Variants in ACAD10 observed in about 807,000 individuals in gnomAD.
ACAD10 encodes the protein acyl-CoA dehydrogenase family member 10.
ACAD10 carries 112 observed loss-of-function variants against 116.8 expected under a neutral mutation model. The observed-to-expected ratio is 0.96, with a 90% CI of 0.82 to 1.12. The LOEUF (loss-of-function observed/expected upper bound fraction) is 1.12, where lower values mean the gene tolerates loss of function less well. ACAD10 is among the 50% of genes most tolerant of loss of function. The pLI is 0.00. For synonymous variants in ACAD10, 486 were observed against 510.6 expected, an observed-to-expected ratio of 0.95 and a Z score of 0.65; for missense variants, 1,259 against 1,350.2, an observed-to-expected ratio of 0.93 and a Z score of 1.06.
chr12:111,728,830 C>T (rs762524910), intron 9 of ACAD10, among the ~76,000 whole-genome samples: 19 of 152,094 alleles, frequency 1.2e-4, no homozygotes, highest in Non-Finnish European at 1.8e-4. Flanking sequence ...GCTGGGACTA[C>T]AGGTACGCAC....
chr12:111,695,199 A>G (rs886102415), intron 2 of ACAD10, among the ~76,000 whole-genome samples: 2 of 152,134 alleles, frequency 1.3e-5, no homozygotes, highest in Non-Finnish European at 2.9e-5. Context: ...GATGCTCCCC[A>G]GGCATGCCAG....
At chr12:111,730,670 T>G (rs1178399673) in intron 10 of ACAD10, among the ~76,000 whole-genome samples, 2 of 152,214 alleles carry the variant, frequency 1.3e-5, no homozygotes, top group Non-Finnish European at 2.9e-5. Flanking sequence ...CTTATTTGGC[T>G]TGTCTTCTTG....
In ACAD10 at chr12:111,748,952, G is replaced by A. The variant is rs568318846; in HGVS notation, c.2645-221G>A. On this transcript the variant is annotated intron_variant, in intron 17 of 20. Transcript: ENST00000313698. ...TGGCATTATTATGTTTTTATAAAAG[G>A]AATCACAGAATAGTCATTTGCCATT... 33 of 1,493,562 alleles carry A rather than the reference G, an allele frequency of 2.2e-5. No homozygotes were observed. The East Asian group carries it at 6.8e-4, about 31-fold the overall frequency. The allele number at this position is 1,493,562 out of a possible 1,614,324, so 92.5% of individuals were successfully genotyped here.
chr12:111,756,324 G>T lies in ACAD10; in HGVS notation c.3040-9G>T, dbSNP rs2068083600. 1.3e-6 allele frequency: 2 copies of T among 1,590,166 alleles called. No individual in the cohort carries two copies. Among genetic ancestry groups the T allele is most frequent in the Non-Finnish European group, 8.5e-7 (1 of 1,171,190 alleles). ...CCAGGGCCGCCTCCCTCCACTCTGTGTCTGCCAGGCCTTTGGAGCAGCAGG... is the reference window on the plus strand; with the variant it reads ...CCAGGGCCGCCTCCCTCCACTCTGTTTCTGCCAGGCCTTTGGAGCAGCAGG... On this transcript the variant is annotated splice_polypyrimidine_tract_variant and intron_variant, in intron 20 of 20. Coordinates refer to ENST00000313698, the MANE Select transcript of ACAD10 (RefSeq NM_025247.6).
At chr12:111,696,996 G>A (rs1483760000) in intron 2 of ACAD10, among the ~76,000 whole-genome samples, 14 of 151,982 alleles carry the variant, frequency 9.2e-5, no homozygotes, top group Non-Finnish European at 4.4e-5. Context: ...CAGGAGAATG[G>A]CGTGCACCCA....
At chr12:111,720,719 G>T (rs1593032971) in intron 7 of ACAD10, among the ~76,000 whole-genome samples, 1 of 151,232 alleles carries the variant, frequency 6.6e-6, no homozygotes, top group East Asian at 1.9e-4. Context: ...ATATAATTAG[G>T]TCATGTTTTT....
chr12:111,736,939 A>G lies in ACAD10; in HGVS notation c.1649A>G (p.Tyr550Cys), dbSNP rs370345730. The change falls in exon 12 of 21, where the codon TAT becomes TGT. Residue 550 changes from tyrosine (Y) to cysteine (C), a missense_variant. By Grantham distance (194) the Tyr-to-Cys change is radical (BLOSUM62 -2). Coordinates refer to ENST00000313698, the MANE Select transcript of ACAD10 (RefSeq NM_025247.6). ...GLPPTENWNF[Y>C]MAFSFFRVAA... Reference sequence around the variant, plus strand: ...CCTCCCACTGAGAACTGGAACTTCTATATGGCTTTTTCCTTTTTCCGTGTG... The same window carrying G: ...CCTCCCACTGAGAACTGGAACTTCTGTATGGCTTTTTCCTTTTTCCGTGTG... 3.1e-6 allele frequency: 5 copies of G among 1,613,976 alleles called. No homozygotes were observed. The highest frequency in any genetic ancestry group is 1.1e-5 in the South Asian group (1 of 91,086).
Position 111,748,676 on chromosome 12 carries a change from T to C in ACAD10, c.2644+201T>C. 6 of 660,012 alleles carry C rather than the reference T, an allele frequency of 9.1e-6. 1 individual carries two copies. In the South Asian group the frequency reaches 1.2e-4, roughly 13 times the overall value. 40.9% of individuals were successfully genotyped at this position (660,012 alleles called of 1,614,324 possible). A position where few individuals can be genotyped will look rare whatever the true frequency, so the allele number is the denominator to read the frequency against. On this transcript the variant is annotated intron_variant, in intron 17 of 20. Coordinates refer to ENST00000313698, the MANE Select transcript of ACAD10 (RefSeq NM_025247.6). ...CGGATTTCAGACAGGCATTTATGGATTTTTTTCCCTCTTCTAAACTTAGAA... is the reference window on the plus strand; with the variant it reads ...CGGATTTCAGACAGGCATTTATGGACTTTTTTCCCTCTTCTAAACTTAGAA...
intron 18 of ACAD10, 177 bp downstream of exon 18, chr12:111,749,522 G>T (rs1027059257): frequency 1.2e-6 from 1 of 862,152 alleles, no homozygotes; most frequent in Non-Finnish European, 1.7e-6. Flanking sequence ...CTGCAGTTTG[G>T]ATTCAGAGCA....
At position 111,709,602 on chromosome 12, in the gene ACAD10, T is replaced by C; in HGVS notation, c.608T>C (p.Leu203Pro). 1 of 1,614,124 alleles carries C rather than the reference T, an allele frequency of 6.2e-7. No individual in the cohort carries two copies. Among genetic ancestry groups the C allele is most frequent in the South Asian group, 1.1e-5 (1 of 91,072 alleles). Reference protein sequence around the residue: ...IYKLCLEQLGLQPSESIFLDD... With the variant: ...IYKLCLEQLGPQPSESIFLDD... ...AAGCTGTGCTTGGAGCAGCTCGGCC[T>C]GCAGCCCTCTGAGTCCATCTTTCTT... The change falls in exon 5 of 21, where the codon CTG (leucine) becomes CCG (proline). Residue 203 changes from leucine (L) to proline (P), a missense_variant. By Grantham distance (98) the Leu-to-Pro change is moderately conservative. Coordinates refer to ENST00000313698, the MANE Select transcript of ACAD10 (RefSeq NM_025247.6).
intron 12 of ACAD10, among the ~76,000 whole-genome samples, chr12:111,743,825 C>T (rs916408330): frequency 6.6e-6 from 1 of 152,168 alleles, no homozygotes; most frequent in African/African-American, 2.4e-5. Context: ...CGGCTCACTG[C>T]AACCTCTGCC....
chr12:111,726,746 A>T (rs1889224693), intron 8 of ACAD10, among the ~76,000 whole-genome samples: 1 of 152,170 alleles, frequency 6.6e-6, no homozygotes, highest in Non-Finnish European at 1.5e-5. Context: ...CTGTAGTTTC[A>T]GCTATTCGGG....
At chr12:111,732,880 A>G (rs1377631197) in intron 10 of ACAD10, among the ~76,000 whole-genome samples, 1 of 152,220 alleles carries the variant, frequency 6.6e-6, no homozygotes, top group African/African-American at 2.4e-5. Context: ...CAACGACAGC[A>G]GTCATTTTGC....
In ACAD10 at chr12:111,755,760, G is replaced by A. The variant is rs750130742; in HGVS notation, c.3039+15G>A. ...GTGCGATTCAGGTGAGCACAGACCA[G>A]ACAGTTGGCTTATTTGAACCATCAA... On this transcript the variant is annotated intron_variant, in intron 20 of 20. Coordinates refer to ENST00000313698, the MANE Select transcript of ACAD10 (RefSeq NM_025247.6). The A allele has an allele frequency of 1.2e-6, 2 of 1,612,578 alleles. No homozygotes were observed. Among genetic ancestry groups the A allele is most frequent in the East Asian group, 4.5e-5 (2 of 44,874 alleles).
chr12:111,709,714 C>T (rs1441421731), intron 5 of ACAD10, 30 bp downstream of exon 5: 5 of 1,577,396 alleles, frequency 3.2e-6, no homozygotes, highest in Non-Finnish European at 3.4e-6. Flanking sequence ...GAACTCCCTC[C>T]CATGCACCAG....
chr12:111,721,191 A>G (rs1317942925), intron 7 of ACAD10, among the ~76,000 whole-genome samples: 1 of 152,036 alleles, frequency 6.6e-6, no homozygotes, highest in Non-Finnish European at 1.5e-5. Flanking sequence ...TTGTCCCATC[A>G]TTTTTTTGTT....
intron 8 of ACAD10, among the ~76,000 whole-genome samples, chr12:111,723,314 G>A (rs1415972829): frequency 1.5e-5 from 2 of 132,624 alleles, no homozygotes; most frequent in Admixed American, 7.3e-5. Context: ...CTGGCCGGGC[G>A]GGGGGGCTGA....
At chr12:111,733,794 C>T (rs1179121534) in intron 10 of ACAD10, 129 bp from the exon 11 acceptor site, 2 of 1,173,406 alleles carry the variant, frequency 1.7e-6, no homozygotes, top group African/African-American at 3.0e-5. Flanking sequence ...GCCCAGGGAG[C>T]TCAGGCACCC....
At chr12:111,728,320 G>A (rs1286266911) in intron 9 of ACAD10, among the ~76,000 whole-genome samples, 177 bp downstream of exon 9, 1 of 151,900 alleles carries the variant, frequency 6.6e-6, no homozygotes, top group Non-Finnish European at 1.5e-5. Flanking sequence ...TTAGGCATTT[G>A]GGCCTTCAAT....
Sources: gnomAD v4.1 joint callset for allele counts (sites outside exome capture counted in the v4.1 genomes callset) on GRCh38, gnomAD v4.1.1 for gene constraint, MANE v1.5 for transcripts, NCBI Gene and HGNC (gene_info 2026-07-23, HGNC 2026-07-21) for gene names.